The following ATP8B4 variants were observed in gnomAD, a reference collection of about 807,000 sequenced individuals.
ATP8B4 encodes ATPase phospholipid transporting 8B4 (putative), also known as probable phospholipid-transporting ATPase IM.
Under a neutral mutation model 145.6 loss-of-function variants are expected in ATP8B4, and 133 were observed. The ratio of observed to expected loss-of-function variants is 0.91; its 90% CI spans 0.79 to 1.05. ATP8B4 has a LOEUF of 1.05. Among genes scored for constraint, ATP8B4 ranks in the 50% least tolerant of loss-of-function variants. ATP8B4 has a pLI of 0.00. For missense variants in ATP8B4, 1,458 were observed against 1,425.2 expected, an observed-to-expected ratio of 1.02 and a Z score of -0.37; for synonymous variants, 507 against 492.9, an observed-to-expected ratio of 1.03 and a Z score of -0.38.
chr15:49,996,607 C>T (rs1408057495), intron 9 of ATP8B4, 70 bp downstream of exon 9: 1 of 1,207,534 alleles, frequency 8.3e-7, no homozygotes, highest in Non-Finnish European at 1.2e-6. Flanking sequence ...TAAATTGGAT[C>T]TCACATTACT....
chr15:50,158,679 A>T (rs1595657778), intron 1 of ATP8B4, among the ~76,000 whole-genome samples: 1 of 152,224 alleles, frequency 6.6e-6, no homozygotes, highest in African/African-American at 2.4e-5. Context: ...AAAGGTGGGG[A>T]AAAGATTGAG....
At position 49,862,209 on chromosome 15, in the gene ATP8B4, A is replaced by G. The variant is rs767456242; in HGVS notation, c.3297+36T>C. 2.5e-6 allele frequency: 4 copies of G among 1,593,584 alleles called. No individual in the cohort carries two copies. The South Asian group carries it at 4.5e-5, about 18-fold the overall frequency. On this transcript the variant is annotated intron_variant, in intron 27 of 27. Coordinates refer to ENST00000284509, the MANE Select transcript of ATP8B4 (RefSeq NM_024837.4). ...AAGGACACCATTTCAAGAGCCAAAA[A>G]CCAGCCTTCAAGTATTCATCAGCAC...
At chr15:49,876,798 G>A (rs1292125523) in intron 24 of ATP8B4, 1 of 566,596 alleles carries the variant, frequency 1.8e-6, no homozygotes, top group Non-Finnish European at 3.3e-6. Context: ...CTTGGTTTGA[G>A]CCTAGCTATT....
chr15:50,175,127 C>T (rs2140877030), intron 1 of ATP8B4, among the ~76,000 whole-genome samples: 1 of 152,300 alleles, frequency 6.6e-6, no homozygotes, highest in South Asian at 2.1e-4. Flanking sequence ...TCATCTCTCA[C>T]CTTATGCAAA....
intron 1 of ATP8B4, among the ~76,000 whole-genome samples, chr15:50,110,416 C>T (rs1374219365): frequency 6.6e-6 from 1 of 152,172 alleles, no homozygotes; most frequent in Admixed American, 6.5e-5. Context: ...CACCGAAATA[C>T]CACCACTGAC....
chr15:49,903,596 T>C (rs2038285009), intron 20 of ATP8B4, among the ~76,000 whole-genome samples: 1 of 152,198 alleles, frequency 6.6e-6, no homozygotes, highest in South Asian at 2.1e-4. Context: ...ATTGAAAGGT[T>C]AAATTGATCT....
chr15:50,156,602 A>G (rs2044424229), intron 1 of ATP8B4, among the ~76,000 whole-genome samples: 2 of 152,214 alleles, frequency 1.3e-5, no homozygotes, highest in South Asian at 2.1e-4. Flanking sequence ...GACAGAGATA[A>G]ACAAAAAACT....
At chr15:50,043,285 T>C (rs775788461) in intron 5 of ATP8B4, among the ~76,000 whole-genome samples, 17 of 152,252 alleles carry the variant, frequency 1.1e-4, no homozygotes, top group Non-Finnish European at 2.1e-4. Flanking sequence ...TCCTTTGGGT[T>C]ATGCAGACTT....
chr15:49,900,018 C>T (rs1235443579), intron 21 of ATP8B4, among the ~76,000 whole-genome samples: 2 of 152,178 alleles, frequency 1.3e-5, no homozygotes, highest in East Asian at 3.8e-4. Context: ...AAGTATAACT[C>T]ATAAGATTCC....
At chr15:50,085,278 A>G (rs2054823563) in intron 2 of ATP8B4, among the ~76,000 whole-genome samples, 1 of 152,050 alleles carries the variant, frequency 6.6e-6, no homozygotes, top group Admixed American at 6.6e-5. Flanking sequence ...TTTTCAGTTT[A>G]TAAAAGTCAA....
At position 49,860,198 on chromosome 15, in the gene ATP8B4, A is replaced by G; in HGVS notation, c.3575T>C (p.Leu1192Pro). Residue 1192 changes from leucine (L) to proline (P), a missense_variant, in exon 28 of 28, where the codon CTG becomes CCG. Physicochemically the swap from Leu to Pro is moderately conservative, Grantham distance 98. Transcript: ENST00000284509. ...SSFSQDKTVK[L>P] ...GTGGTTTAAATTCATATTGACTCAC[A>G]GTTTCACTGTTTTATCCTGGCTAAA... 1 of 1,607,854 alleles carries G rather than the reference A, an allele frequency of 6.2e-7. No homozygotes were observed.
At chr15:50,174,858 C>G (rs978106283) in intron 1 of ATP8B4, among the ~76,000 whole-genome samples, 28 of 152,052 alleles carry the variant, frequency 1.8e-4, no homozygotes, top group African/African-American at 6.8e-4. Context: ...ACAAAAAGAA[C>G]AAATCTGGAG....
chr15:49,862,252 C>A lies in ATP8B4; in HGVS notation c.3290G>T (p.Ser1097Ile), dbSNP rs1211239869. 5 of 1,613,412 alleles carry A rather than the reference C, an allele frequency of 3.1e-6. No homozygotes were observed. The East Asian group carries it at 1.1e-4, about 36-fold the overall frequency. The change falls in exon 27 of 28, where the codon AGT becomes ATT. Residue 1097 changes from serine to isoleucine, a missense_variant. By Grantham distance (142) the Ser-to-Ile change is moderately radical (BLOSUM62 -2). Coordinates refer to ENST00000284509, the MANE Select transcript of ATP8B4 (RefSeq NM_024837.4). Reference protein sequence around the residue: ...FLKVDLYPTLSDQIRRWQKAQ... With the variant: ...FLKVDLYPTLIDQIRRWQKAQ... ...ATCAGCACTGTGACATACCTGATCA[C>A]TCAGGGTTGGGTATAAATCCACCTT...
intron 26 of ATP8B4, 64 bp from the exon 27 acceptor site, chr15:49,862,439 G>A: frequency 2.0e-6 from 3 of 1,532,072 alleles, no homozygotes; most frequent in Non-Finnish European, 2.7e-6. Context: ...TAATTAATAG[G>A]TTCTTTGTTC....
At position 50,142,787 on chromosome 15, in the gene ATP8B4, C is replaced by T. The variant is rs1256689952; in HGVS notation, c.-42-35779G>A. On this transcript the variant is annotated intron_variant, in intron 1 of 3. Coordinates refer to the ATP8B4 transcript ENST00000558829. Reference sequence around the variant, plus strand: ...GCATAGATCTTAACATTCAATACCCCCATGCAATCCTCCAAAGTCAGTAGG... The same window carrying T: ...GCATAGATCTTAACATTCAATACCCTCATGCAATCCTCCAAAGTCAGTAGG... Among the ~76,000 whole-genome samples the T allele has an allele frequency of 3.3e-5, 5 of 152,248 alleles. No individual in the cohort carries two copies. In the East Asian group the frequency reaches 9.6e-4, roughly 29 times the overall value.
chr15:49,976,873 A>AT (rs2045713157), intron 12 of ATP8B4, among the ~76,000 whole-genome samples: 1 of 152,160 alleles, frequency 6.6e-6, no homozygotes, highest in Admixed American at 6.6e-5. Flanking sequence ...TTCTGCCTGA[A>AT]TACTCACAGA....
rs777453930 is a variant in ATP8B4 at position 49,876,508 on chromosome 15, T to C, written c.2797A>G (p.Asn933Asp). Residue 933 changes from asparagine to aspartate, a missense_variant, in exon 25 of 28, where the codon AAC becomes GAC. Asn to Asp is a conservative substitution (Grantham distance 23). Transcript: ENST00000284509. ...GIFDQDVSDQNSVDCPQLYKP... is the reference protein window; with the variant it reads ...GIFDQDVSDQDSVDCPQLYKP... ...TAGAGCTGGGGACAGTCCACGCTGT[T>C]CTGGTCACTCACATCCTGTAAACAG... 6.2e-7 allele frequency: 1 copy of C among 1,614,066 alleles called. No homozygotes were observed. Among genetic ancestry groups the C allele is most frequent in the African/African-American group, 1.3e-5 (1 of 75,060 alleles).
At chr15:50,048,100 C>T (rs559150458) in intron 3 of ATP8B4, among the ~76,000 whole-genome samples, 3 of 151,902 alleles carry the variant, frequency 2.0e-5, no homozygotes, top group Non-Finnish European at 4.4e-5. Context: ...CTACATGTCA[C>T]TGAGGTTTGG....
chr15:50,072,862 T>C (rs2053834190), intron 3 of ATP8B4, among the ~76,000 whole-genome samples: 1 of 146,874 alleles, frequency 6.8e-6, no homozygotes, highest in Non-Finnish European at 1.5e-5. Flanking sequence ...CCTTGTGATC[T>C]GCCCACCTTG....
Sources: allele counts gnomAD v4.1 joint callset (sites outside exome capture counted in the v4.1 genomes callset), GRCh38; gene constraint gnomAD v4.1.1; transcripts MANE v1.5; gene names NCBI Gene and HGNC (gene_info 2026-07-23, HGNC 2026-07-21).